The following IFT80 variants were observed in gnomAD, a reference collection of about 807,000 sequenced individuals.
The protein encoded by IFT80 is intraflagellar transport 80, also known as intraflagellar transport protein 80 homolog.
IFT80 carries 79 observed loss-of-function variants against 107.9 expected under a neutral mutation model. That is an observed-to-expected ratio of 0.73 (90% CI 0.61 to 0.88). IFT80 has a LOEUF of 0.88. Among genes scored for constraint, IFT80 ranks in the 40% least tolerant of loss-of-function variants. The pLI is 0.00. For missense variants in IFT80, 797 were observed against 914.2 expected, an observed-to-expected ratio of 0.87 and a Z score of 1.65; for synonymous variants, 299 against 300.9, an observed-to-expected ratio of 0.99 and a Z score of 0.07.
At chr3:160,388,592 A>G (rs1262378240) in intron 1 of IFT80, among the ~76,000 whole-genome samples, 1 of 148,616 alleles carries the variant, frequency 6.7e-6, no homozygotes, top group South Asian at 2.1e-4. Context: ...ACATATAAGT[A>G]TATTACATAA....
chr3:160,294,742 A>G (rs2108258106), intron 12 of IFT80, among the ~76,000 whole-genome samples: 1 of 152,326 alleles, frequency 6.6e-6, no homozygotes, highest in Admixed American at 6.5e-5. Context: ...TGTCACAAAC[A>G]CTTGCTTTGG....
intron 7 of IFT80, among the ~76,000 whole-genome samples, chr3:160,357,132 C>T (rs995702765): frequency 2.0e-5 from 3 of 152,126 alleles, no homozygotes; most frequent in African/African-American, 7.2e-5. Flanking sequence ...GAGGGTCTCA[C>T]TTTGTTGCTC....
intron 8 of IFT80, among the ~76,000 whole-genome samples, chr3:160,323,945 A>G (rs1227146752): frequency 6.6e-6 from 1 of 152,140 alleles, no homozygotes; most frequent in Non-Finnish European, 1.5e-5. Context: ...GATAAAGGGG[A>G]TATCACCACC....
At chr3:160,347,656 A>G (rs544577125) in intron 8 of IFT80, among the ~76,000 whole-genome samples, 1 of 152,302 alleles carries the variant, frequency 6.6e-6, no homozygotes, top group Admixed American at 6.5e-5. Flanking sequence ...GAGATCATAG[A>G]GTAACATGCT....
rs920853278 is a variant in IFT80, at chr3:160,307,748, G to A, written c.991C>T (p.Leu331=). The change falls in exon 10 of 20, where the codon CTG becomes TTG. Residue 331 remains leucine (L), a synonymous_variant. Coordinates refer to ENST00000326448, the MANE Select transcript of IFT80 (RefSeq NM_020800.3). ...TTAATGACTCTATCACGGAATTCCA[G>A]TAAATCCACTGCATCATTAAGAACA... is the stretch of plus-strand genomic sequence containing the variant. ...RNVLNDAVDL[L]EFRDRVIKAS... 6.4e-5 allele frequency: 103 copies of A among 1,598,122 alleles called. No individual in the cohort carries two copies. Among genetic ancestry groups the A allele is most frequent in the Non-Finnish European group, 8.7e-5 (102 of 1,165,728 alleles).
chr3:160,382,509 T>C (rs1712599710), intron 2 of IFT80, among the ~76,000 whole-genome samples: 1 of 152,184 alleles, frequency 6.6e-6, no homozygotes, highest in Admixed American at 6.5e-5. Context: ...AGAATTTCTA[T>C]GTAAGCTGAG....
At chr3:160,350,259 AC>A (rs1360762565) in intron 8 of IFT80, among the ~76,000 whole-genome samples, 1 of 151,878 alleles carries the variant, frequency 6.6e-6, no homozygotes, top group African/African-American at 2.4e-5. Context: ...TACTAAAAAT[AC>A]AAAAAATTAG....
intron 19 of IFT80, among the ~76,000 whole-genome samples, chr3:160,263,232 C>A (rs975856885): frequency 4.6e-5 from 7 of 152,210 alleles, no homozygotes; most frequent in African/African-American, 1.7e-4. Context: ...CCAGTCACCA[C>A]AACTGTTCTC....
At chr3:160,328,370 G>C (rs1243727029) in intron 8 of IFT80, among the ~76,000 whole-genome samples, 1 of 148,078 alleles carries the variant, frequency 6.8e-6, no homozygotes, top group Admixed American at 6.9e-5. Flanking sequence ...GCTGAGGCAG[G>C]AGAATCACTT....
intron 5 of IFT80, among the ~76,000 whole-genome samples, chr3:160,374,856 T>C (rs1711876483): frequency 6.6e-6 from 1 of 152,234 alleles, no homozygotes; most frequent in African/African-American, 2.4e-5. Context: ...CTATGAACTC[T>C]GAATTTTCTA....
intron 6 of IFT80, among the ~76,000 whole-genome samples, chr3:160,359,656 T>G (rs1355377515): frequency 6.6e-6 from 1 of 152,188 alleles, no homozygotes; most frequent in Non-Finnish European, 1.5e-5. Flanking sequence ...CAGCAATATT[T>G]GCTGTTCTGC....
intron 2 of IFT80, chr3:160,383,838 T>A (rs1295527446): frequency 1.0e-6 from 1 of 985,426 alleles, no homozygotes; most frequent in East Asian, 1.1e-4. Context: ...AGGATCTGAC[T>A]GCTCAGATTT....
At chr3:160,384,416 C>T (rs2108408960) in intron 2 of IFT80, 148 bp downstream of exon 2, 1 of 1,352,480 alleles carries the variant, frequency 7.4e-7, no homozygotes, top group Non-Finnish European at 9.5e-7. Flanking sequence ...AACACATGAT[C>T]TTAAATACTT....
intron 6 of IFT80, among the ~76,000 whole-genome samples, chr3:160,357,998 ATTTAT>A (rs1389272611): frequency 8.7e-5 from 12 of 138,386 alleles, no homozygotes; most frequent in African/African-American, 2.8e-4. Context: ...TTGTTTACTT[ATTTAT>A]TTTATTTATT....
At chr3:160,354,113 A>G (rs920869153) in intron 8 of IFT80, among the ~76,000 whole-genome samples, 2 of 152,206 alleles carry the variant, frequency 1.3e-5, no homozygotes, top group Non-Finnish European at 2.9e-5. Flanking sequence ...AAAATTGACA[A>G]TGTAAGAATG....
intron 15 of IFT80, 97 bp downstream of exon 15, chr3:160,280,570 T>C: frequency 9.7e-7 from 1 of 1,029,136 alleles, no homozygotes; most frequent in Admixed American, 1.9e-5. Flanking sequence ...GACTGATGTG[T>C]AAAACACCTT....
intron 9 of IFT80, among the ~76,000 whole-genome samples, chr3:160,317,447 T>C (rs1016007905): frequency 6.6e-6 from 1 of 152,098 alleles, no homozygotes; most frequent in Non-Finnish European, 1.5e-5. Flanking sequence ...AATTCCTTCT[T>C]ATTATGAAAG....
In IFT80 at chr3:160,366,169, G is replaced by GAAAAAAAA. The variant is rs199675485; in HGVS notation, c.440-25_440-18dup. The GAAAAAAAA allele has an allele frequency of 4.5e-6, 6 of 1,344,982 alleles. No individual in the cohort carries two copies. The highest frequency in any genetic ancestry group is 2.0e-5 in the Admixed American group (1 of 49,938). The allele number at this position is 1,344,982 out of a possible 1,614,324, so 83.3% of individuals were successfully genotyped here. A position where few individuals can be genotyped will look rare whatever the true frequency, so the allele number is the denominator to read the frequency against. On this transcript the variant is annotated splice_polypyrimidine_tract_variant and intron_variant, in intron 5 of 19. Transcript: ENST00000326448. ...CTGGTGTTCCTGTAAGATGAAAAAA[G>GAAAAAAAA]AAAAAAAAAAGGCTGATAAACTTTA...
At chr3:160,262,245 C>T (rs1712908745) in intron 19 of IFT80, among the ~76,000 whole-genome samples, 1 of 151,982 alleles carries the variant, frequency 6.6e-6, no homozygotes, top group African/African-American at 2.4e-5. Context: ...CAACAAAGAA[C>T]AATAAATTTT....
Sources: allele counts gnomAD v4.1 joint callset (sites outside exome capture counted in the v4.1 genomes callset), GRCh38; gene constraint gnomAD v4.1.1; transcripts MANE v1.5; gene names NCBI Gene and HGNC (gene_info 2026-07-23, HGNC 2026-07-21).